RYR2: variants seen among roughly 807,000 people sequenced by gnomAD.
RYR2 encodes ryanodine receptor 2.
A neutral mutation model predicts 601.1 loss-of-function variants in RYR2; 227 were observed. The observed-to-expected ratio is 0.38, with a 90% confidence interval of 0.34 to 0.42. The LOEUF (loss-of-function observed/expected upper bound fraction) is 0.42, where lower values mean the gene tolerates loss of function less well. RYR2 is among the 10% of genes least tolerant of loss of function. The pLI is 1.00. For missense variants in RYR2, 4,646 were observed against 6,156.5 expected (o/e 0.75, Z 8.21); for synonymous variants, 2,223 against 2,175.1 (o/e 1.02, Z -0.61).
intron 17 of RYR2, among the ~76,000 whole-genome samples, chr1:237,472,292 C>T (rs12123335): frequency 0.48 from 73,308 of 151,848 alleles, 18,688 homozygotes; most frequent in East Asian, 0.65. Context: ...CTCCTCATCT[C>T]GTTAGTGCCC....
At chr1:237,112,983 A>G (rs973613400) in intron 1 of RYR2, among the ~76,000 whole-genome samples, 1 of 152,020 alleles carries the variant, frequency 6.6e-6, no homozygotes, top group Non-Finnish European at 1.5e-5. Flanking sequence ...CGGAACCTCA[A>G]CGGGGACTCT....
At chr1:237,295,710 A>T (rs1692695972) in intron 2 of RYR2, among the ~76,000 whole-genome samples, 1 of 152,204 alleles carries the variant, frequency 6.6e-6, no homozygotes, top group African/African-American at 2.4e-5. Context: ...TGTAATTGGG[A>T]TCTTTTAATA....
At chr1:237,084,806 T>C (rs1249224086) in intron 1 of RYR2, among the ~76,000 whole-genome samples, 2 of 152,222 alleles carry the variant, frequency 1.3e-5, no homozygotes, top group African/African-American at 4.8e-5. Flanking sequence ...CCCGACCTAA[T>C]GTGGAGTTAA....
At chr1:237,577,514 G>GTT in intron 29 of RYR2, among the ~76,000 whole-genome samples, 1 of 58,336 alleles carries the variant, frequency 1.7e-5, no homozygotes, top group South Asian at 1.1e-3. Context: ...GTGTGTGTGT[G>GTT]TGTGTGTGTG....
At chr1:237,274,162 TAA>T (rs1432366824) in intron 2 of RYR2, among the ~76,000 whole-genome samples, 1 of 149,390 alleles carries the variant, frequency 6.7e-6, no homozygotes, top group Non-Finnish European at 1.5e-5. Flanking sequence ...TATTTAAATA[TAA>T]AAATGCATAT....
chr1:237,411,441 A>T (rs1253144280), intron 10 of RYR2, among the ~76,000 whole-genome samples: 4 of 152,150 alleles, frequency 2.6e-5, no homozygotes. Context: ...GAATATCAAC[A>T]AGTGTATAAT....
At chr1:237,470,168 A>AAAGAT (rs1198189888) in intron 17 of RYR2, among the ~76,000 whole-genome samples, 1 of 152,296 alleles carries the variant, frequency 6.6e-6, no homozygotes, top group East Asian at 1.9e-4. Context: ...AGATAGGGGC[A>AAAGAT]TGGTTTCATT....
At chr1:237,049,691 G>A (rs995291483) in intron 1 of RYR2, among the ~76,000 whole-genome samples, 4 of 152,134 alleles carry the variant, frequency 2.6e-5, no homozygotes, top group Non-Finnish European at 5.9e-5. Flanking sequence ...CTTGATGATG[G>A]GTGGTTTTCT....
intron 1 of RYR2, among the ~76,000 whole-genome samples, chr1:237,127,651 T>G (rs1223557756): frequency 3.9e-3 from 427 of 110,262 alleles, no homozygotes; most frequent in Middle Eastern, 0.013. Flanking sequence ...GGGCGGAGGG[T>G]CTCCTCACTT....
chr1:237,473,427 C>CTTTCTTTCCTTCTTTCTTTCTT (rs1553464621), intron 17 of RYR2, among the ~76,000 whole-genome samples: 1 of 102,532 alleles, frequency 9.8e-6, no homozygotes, highest in Non-Finnish European at 1.8e-5. Context: ...CCATCTCTCT[C>CTTTCTTTCCTTCTTTCTTTCTT]TCTCTCTTTC....
At chr1:237,682,631 A>G (rs12735668) in intron 62 of RYR2, among the ~76,000 whole-genome samples, 34,668 of 152,132 alleles carry the variant, frequency 0.23, 5,112 homozygotes, top group East Asian at 0.54. Flanking sequence ...ATGTACTTAT[A>G]TCATGGTCTT....
chr1:237,553,830 G>A (rs1246670795), intron 27 of RYR2, among the ~76,000 whole-genome samples: 2 of 151,762 alleles, frequency 1.3e-5, no homozygotes, highest in Admixed American at 6.6e-5. Flanking sequence ...AACTGTACAC[G>A]AATATGAGAT....
At chr1:237,694,485 G>A (rs1687239165) in intron 63 of RYR2, among the ~76,000 whole-genome samples, 1 of 152,022 alleles carries the variant, frequency 6.6e-6, no homozygotes, top group African/African-American at 2.4e-5. Context: ...TAAAAATTCT[G>A]TAGTACTATG....
chr1:237,571,548 C>T (rs1672703241), intron 29 of RYR2, among the ~76,000 whole-genome samples: 3 of 152,112 alleles, frequency 2.0e-5, no homozygotes, highest in Admixed American at 6.5e-5. Flanking sequence ...CTCCTGACCT[C>T]AGGTGATCCA....
At chr1:237,764,387 A>G (rs1693670834) in intron 84 of RYR2, among the ~76,000 whole-genome samples, 1 of 126,914 alleles carries the variant, frequency 7.9e-6, no homozygotes, top group African/African-American at 3.0e-5. Flanking sequence ...CATGTCTACC[A>G]TTGCCTTAGG....
intron 25 of RYR2, among the ~76,000 whole-genome samples, chr1:237,537,417 G>A (rs1296117305): frequency 1.3e-5 from 2 of 151,756 alleles, no homozygotes; most frequent in Non-Finnish European, 2.9e-5. Flanking sequence ...TCCGCCTCCC[G>A]GGTTCAAGCA....
chr1:237,387,561 G>A (rs1209586842), intron 9 of RYR2, among the ~76,000 whole-genome samples, 181 bp downstream of exon 9: 1 of 152,184 alleles, frequency 6.6e-6, no homozygotes, highest in East Asian at 1.9e-4. Context: ...GTGAAGCTTG[G>A]GTGAAGATTA....
chr1:237,374,302 C>T (rs1295242383), intron 6 of RYR2, among the ~76,000 whole-genome samples: 3 of 151,304 alleles, frequency 2.0e-5, no homozygotes, highest in African/African-American at 7.3e-5. Context: ...TGGGAGATTG[C>T]TTGAGTTTAG....
At chr1:237,703,617 A>G (rs1030121350) in intron 66 of RYR2, among the ~76,000 whole-genome samples, 30 of 148,094 alleles carry the variant, frequency 2.0e-4, no homozygotes, top group African/African-American at 7.3e-4. Flanking sequence ...ATATATATAT[A>G]TAAAATATAT....
Sources: gnomAD v4.1 joint callset for allele counts (sites outside exome capture counted in the v4.1 genomes callset) on GRCh38, gnomAD v4.1.1 for gene constraint, MANE v1.5 for transcripts, NCBI Gene and HGNC (gene_info 2026-07-23, HGNC 2026-07-21) for gene names.